Variants in NPAS3 observed in about 807,000 individuals in gnomAD.
NPAS3 encodes neuronal PAS domain protein 3.
Under a neutral mutation model 73.1 loss-of-function variants are expected in NPAS3, and 14 were observed. The observed-to-expected ratio is 0.19, with a 90% CI of 0.13 to 0.30. NPAS3 has a LOEUF of 0.30. Among genes scored for constraint, NPAS3 ranks in the 10% least tolerant of loss-of-function variants. The probability of loss-of-function intolerance (pLI) is 1.00; values close to 1 mark genes in which losing one functional copy is unlikely to be tolerated. For missense variants in NPAS3, 1,096 were observed against 1,250.0 expected (o/e 0.88, Z 1.86); for synonymous variants, 620 against 541.5 (o/e 1.14, Z -2.01).
chr14:33,404,351 C>G (rs1395198905), intron 4 of NPAS3, among the ~76,000 whole-genome samples: 2 of 152,068 alleles, frequency 1.3e-5, no homozygotes, highest in African/African-American at 2.4e-5. Context: ...GAAGGAGCCT[C>G]TGGTAGCCAT....
chr14:33,692,209 T>C (rs2140413170), intron 6 of NPAS3, among the ~76,000 whole-genome samples: 1 of 152,298 alleles, frequency 6.6e-6, no homozygotes, highest in African/African-American at 2.4e-5. Context: ...TGTTCAGATC[T>C]TTCAAGAACA....
intron 4 of NPAS3, among the ~76,000 whole-genome samples, chr14:33,468,684 G>C (rs1296802132): frequency 6.6e-6 from 1 of 152,058 alleles, no homozygotes; most frequent in Non-Finnish European, 1.5e-5. Flanking sequence ...AAAAGTACAA[G>C]GTCTTGCCTT....
intron 3 of NPAS3, among the ~76,000 whole-genome samples, chr14:33,259,564 AATTCAT>A (rs1304415445): frequency 1.3e-5 from 2 of 152,234 alleles, no homozygotes; most frequent in Non-Finnish European, 2.9e-5. Flanking sequence ...GTAACCCTGA[AATTCAT>A]ATTAAGGAAA....
Position 33,159,657 on chromosome 14 carries a change from C to T in NPAS3, c.141-55525C>T, listed in dbSNP as rs562020034. Among the ~76,000 whole-genome samples, 453 of 151,622 alleles carry T rather than the reference C, an allele frequency of 3.0e-3. 3 individuals carry two copies. Among genetic ancestry groups the T allele is most frequent in the African/African-American group, 0.011 (437 of 41,368 alleles). ...CAAACTCCGCCTCCCGGATTCACAC[C>T]ATTCTCCTGCCTCAGCCTCCTGAGT... On this transcript the variant is annotated intron_variant, in intron 2 of 11. Transcript: ENST00000356141.
intron 2 of NPAS3, among the ~76,000 whole-genome samples, chr14:33,131,396 T>C (rs569928000): frequency 5.3e-4 from 81 of 152,036 alleles, no homozygotes; most frequent in Non-Finnish European, 1.0e-3. Context: ...TTCAGTCCAA[T>C]TGAGTTACAC....
intron 2 of NPAS3, among the ~76,000 whole-genome samples, chr14:33,208,106 T>TG (rs869051356): frequency 2.6e-3 from 31 of 11,788 alleles, no homozygotes; most frequent in African/African-American, 0.014. Flanking sequence ...AAAACTGCAG[T>TG]TTTTTTTTTC....
intron 4 of NPAS3, among the ~76,000 whole-genome samples, chr14:33,378,551 G>A (rs1315147): frequency 0.24 from 36,981 of 151,970 alleles, 4,662 homozygotes; most frequent in Middle Eastern, 0.31. Flanking sequence ...TAGGAGAATC[G>A]CTTGAACCCC....
intron 1 of NPAS3, among the ~76,000 whole-genome samples, chr14:33,052,355 A>C (rs2040740724): frequency 2.0e-5 from 3 of 152,116 alleles, no homozygotes; most frequent in Admixed American, 1.3e-4. Flanking sequence ...TACCACCCCC[A>C]AAAACTACTC....
chr14:33,395,719 T>C (rs2047193823), intron 4 of NPAS3, among the ~76,000 whole-genome samples: 1 of 152,178 alleles, frequency 6.6e-6, no homozygotes. Flanking sequence ...TCAGGTCCCC[T>C]GGGGTGGCCT....
intron 5 of NPAS3, among the ~76,000 whole-genome samples, chr14:33,659,510 G>A (rs2059245493): frequency 6.6e-6 from 1 of 152,102 alleles, no homozygotes; most frequent in Non-Finnish European, 1.5e-5. Context: ...TTGTTTGTCT[G>A]GCTATCCTGG....
chr14:33,381,899 T>C (rs2046570532), intron 4 of NPAS3, among the ~76,000 whole-genome samples: 1 of 152,204 alleles, frequency 6.6e-6, no homozygotes, highest in African/African-American at 2.4e-5. Context: ...CTGCTGAGAC[T>C]TGCCATTTCC....
rs533418087 is a variant in NPAS3, at chr14:33,748,573, A to G, written c.852+13241A>G. 3.9e-5 allele frequency among the ~76,000 whole-genome samples: 6 copies of G among 152,340 alleles called. No individual in the cohort carries two copies. In the South Asian group the frequency reaches 1.2e-3, roughly 32 times the overall value. ...ATTCCTTGTAGAAGTCATGAAAAACAGAGTGCCTTAATAGGGGCACACCTG... is the reference window on the plus strand; with the variant it reads ...ATTCCTTGTAGAAGTCATGAAAAACGGAGTGCCTTAATAGGGGCACACCTG... On this transcript the variant is annotated intron_variant, in intron 7 of 11. Transcript: ENST00000356141.
chr14:33,111,159 G>A (rs2042878944), intron 2 of NPAS3, among the ~76,000 whole-genome samples: 1 of 152,166 alleles, frequency 6.6e-6, no homozygotes, highest in Non-Finnish European at 1.5e-5. Flanking sequence ...GAAACTGCTG[G>A]GGTGATACTC....
intron 7 of NPAS3, among the ~76,000 whole-genome samples, chr14:33,760,130 A>G (rs1247978949): frequency 1.3e-5 from 2 of 152,128 alleles, no homozygotes; most frequent in Non-Finnish European, 2.9e-5. Flanking sequence ...AAAGCTTAAG[A>G]GTATCCTTTC....
chr14:33,582,042 G>A (rs1302016276), intron 5 of NPAS3: 2 of 151,942 alleles, frequency 1.3e-5, no homozygotes, highest in South Asian at 2.1e-4. Context: ...ATATACTCAC[G>A]GCAAAATTTT....
chr14:33,172,678 C>G (rs907651121), intron 2 of NPAS3, among the ~76,000 whole-genome samples: 1 of 151,800 alleles, frequency 6.6e-6, no homozygotes, highest in African/African-American at 2.4e-5. Flanking sequence ...GGAGGTTACG[C>G]TGAACTGAGA....
At chr14:33,537,703 G>C (rs1435594237) in intron 4 of NPAS3, among the ~76,000 whole-genome samples, 1 of 152,110 alleles carries the variant, frequency 6.6e-6, no homozygotes, top group Non-Finnish European at 1.5e-5. Context: ...CCAACCCCTA[G>C]AGCTCCACTG....
chr14:33,356,076 T>G (rs73258858), intron 3 of NPAS3, among the ~76,000 whole-genome samples: 2,671 of 152,314 alleles, frequency 0.018, 84 homozygotes, highest in African/African-American at 0.059. Flanking sequence ...TAACAGTGCC[T>G]GGCACTGGGT....
chr14:33,022,669 A>C (rs1316925473), intron 1 of NPAS3, among the ~76,000 whole-genome samples: 1 of 134,798 alleles, frequency 7.4e-6, no homozygotes. Flanking sequence ...CGTCCCAAAA[A>C]AAAAAAAAAA....
Sources: gnomAD v4.1 joint callset for allele counts (sites outside exome capture counted in the v4.1 genomes callset) on GRCh38, gnomAD v4.1.1 for gene constraint, MANE v1.5 for transcripts, NCBI Gene and HGNC (gene_info 2026-07-23, HGNC 2026-07-21) for gene names.